Variants in DZIP1L observed in about 807,000 individuals in gnomAD.
DZIP1L encodes the protein DAZ interacting zinc finger protein 1 like.
Under a neutral mutation model 88.7 loss-of-function variants are expected in DZIP1L, and 90 were observed. The observed-to-expected ratio is 1.02, with a 90% CI of 0.86 to 1.21. DZIP1L has a LOEUF of 1.21. Ranked by LOEUF, DZIP1L falls within the 50% of genes most tolerant of loss-of-function variation. The pLI, the probability that DZIP1L is intolerant of heterozygous loss-of-function variation, is 0.00. For missense variants in DZIP1L, 932 were observed against 955.8 expected, an observed-to-expected ratio of 0.98 and a Z score of 0.33; for synonymous variants, 363 against 372.1, an observed-to-expected ratio of 0.98 and a Z score of 0.28.
chr3:138,110,999 G>C (rs9834462), intron 1 of DZIP1L, among the ~76,000 whole-genome samples: 80,120 of 151,966 alleles, frequency 0.53, 22,537 homozygotes, highest in East Asian at 0.64. Flanking sequence ...CAAGACAGGA[G>C]CTGGGAAAGG....
chr3:138,069,655 G>A (rs1943084452), intron 12 of DZIP1L, among the ~76,000 whole-genome samples: 1 of 152,160 alleles, frequency 6.6e-6, no homozygotes, highest in Admixed American at 6.5e-5. Flanking sequence ...TGGCCCCCGA[G>A]CATCTTCAGA....
rs536931385 is a variant in DZIP1L, at chr3:138,088,266, T to C, written c.999+113A>G. 44 of 1,386,892 alleles carry C rather than the reference T, an allele frequency of 3.2e-5. No individual in the cohort carries two copies. The African/African-American group carries it at 3.5e-4, about 11-fold the overall frequency. 85.9% of individuals were successfully genotyped at this position (1,386,892 alleles called of 1,614,324 possible). Reference sequence around the variant, plus strand: ...CATGTACTGGCAGAAGGTCTGAAAATATAGAACTTTGATGTCCTTCAACTT... The same window carrying C: ...CATGTACTGGCAGAAGGTCTGAAAACATAGAACTTTGATGTCCTTCAACTT... On this transcript the variant is annotated intron_variant, in intron 6 of 15. Transcript: ENST00000327532.
At chr3:138,081,819 T>C (rs1202034865) in intron 8 of DZIP1L, 55 bp from the exon 9 acceptor site, 3 of 1,588,430 alleles carry the variant, frequency 1.9e-6, no homozygotes, top group Non-Finnish European at 2.6e-6. Context: ...TTGTGAGAAC[T>C]CTGCTTTGAG....
At position 138,069,223 on chromosome 3, in the gene DZIP1L, T is replaced by G. The variant is rs1166709323; in HGVS notation, c.1616-856A>C. 8.5e-6 allele frequency: 5 copies of G among 590,832 alleles called. No homozygotes were observed. The African/African-American group carries it at 9.3e-5, about 11-fold the overall frequency. 36.6% of individuals were successfully genotyped at this position (590,832 alleles called of 1,614,324 possible). ...TTTATGATGATCCACTTCCCCTTAA[T>G]GAATAGTAAACATATTTGCTCTTCC... On this transcript the variant is annotated intron_variant, in intron 12 of 15. Coordinates refer to ENST00000327532, the MANE Select transcript of DZIP1L (RefSeq NM_173543.3).
chr3:138,097,385 C>T (rs1944527231), intron 3 of DZIP1L, among the ~76,000 whole-genome samples: 1 of 152,174 alleles, frequency 6.6e-6, no homozygotes, highest in South Asian at 2.1e-4. Flanking sequence ...TCGTGGCTGG[C>T]ATCAGGGAAC....
At chr3:138,067,913 T>A (rs767804247) in intron 13 of DZIP1L, among the ~76,000 whole-genome samples, 10 of 152,040 alleles carry the variant, frequency 6.6e-5, no homozygotes, top group Middle Eastern at 3.4e-3. Context: ...ATCCAGCCCC[T>A]CTGGAGGGGG....
At chr3:138,097,505 G>A (rs1944534350) in intron 3 of DZIP1L, among the ~76,000 whole-genome samples, 1 of 152,174 alleles carries the variant, frequency 6.6e-6, no homozygotes, top group South Asian at 2.1e-4. Context: ...ATGGACCGGG[G>A]TTACATAATA....
At chr3:138,072,975 C>A (rs1235073536) in intron 11 of DZIP1L, among the ~76,000 whole-genome samples, 1 of 152,154 alleles carries the variant, frequency 6.6e-6, no homozygotes, top group African/African-American at 2.4e-5. Context: ...CTCCATTGGA[C>A]TGGGAACACA....
intron 3 of DZIP1L, among the ~76,000 whole-genome samples, chr3:138,097,377 G>C (rs574934311): frequency 6.6e-6 from 1 of 152,110 alleles, no homozygotes; most frequent in East Asian, 1.9e-4. Context: ...AGGCTTATTC[G>C]TGGCTGGCAT....
intron 2 of DZIP1L, among the ~76,000 whole-genome samples, chr3:138,098,657 A>G (rs1180513478): frequency 6.6e-6 from 1 of 152,216 alleles, no homozygotes; most frequent in African/African-American, 2.4e-5. Context: ...CTTCCTTGGT[A>G]ATAGTAAGTC....
chr3:138,092,414 T>C lies in DZIP1L; in HGVS notation c.839A>G (p.Asn280Ser). 6.2e-7 allele frequency: 1 copy of C among 1,604,290 alleles called. No individual in the cohort carries two copies. Among genetic ancestry groups the C allele is most frequent in the Non-Finnish European group, 8.5e-7 (1 of 1,176,376 alleles). The change falls in exon 5 of 16, where the codon AAT (asparagine) becomes AGT (serine). Residue 280 changes from asparagine (N) to serine (S), a missense_variant. Physicochemically the swap from Asn to Ser is conservative, Grantham distance 46 (BLOSUM62 1). Transcript: ENST00000327532. ...LKKLFWDEFK[N>S]VAKQNSTLEE... ...TAGTGTAGAGTTCTGCTTGGCGACA[T>C]TTTTAAATTCATCCCAAAATAATTT...
intron 1 of DZIP1L, among the ~76,000 whole-genome samples, chr3:138,109,228 T>G (rs1040527550): frequency 1.3e-5 from 2 of 152,254 alleles, no homozygotes; most frequent in Non-Finnish European, 2.9e-5. Flanking sequence ...CTGTTTATTT[T>G]ATGTATAGAC....
chr3:138,092,539 T>C lies in DZIP1L; in HGVS notation c.714A>G (p.Ala238=), dbSNP rs1179747310. 6 of 1,567,678 alleles carry C rather than the reference T, an allele frequency of 3.8e-6. No homozygotes were observed. Residue 238 remains alanine, a synonymous_variant, in exon 5 of 16, where the codon GCA becomes GCG. Transcript: ENST00000327532. ...EAERQRQLQE[A]ELIHQREIEA... ...CTATTTCCCTCTGATGAATGAGCTC[T>C]GCTTCCTAAAAAGAAGAGCAAGAAC...
intron 2 of DZIP1L, 48 bp from the exon 3 acceptor site, chr3:138,097,895 T>C: frequency 6.5e-7 from 1 of 1,536,604 alleles, no homozygotes; most frequent in Non-Finnish European, 8.9e-7. Flanking sequence ...GTCACCTGAG[T>C]CAGCCTGGGA....
chr3:138,096,953 G>A (rs1265205729), intron 3 of DZIP1L, among the ~76,000 whole-genome samples: 1 of 152,124 alleles, frequency 6.6e-6, no homozygotes, highest in Non-Finnish European at 1.5e-5. Flanking sequence ...ACCAAAGCAG[G>A]CAGATCACTT....
At chr3:138,111,570 C>A (rs923806552) in intron 1 of DZIP1L, among the ~76,000 whole-genome samples, 2 of 152,172 alleles carry the variant, frequency 1.3e-5, no homozygotes, top group Non-Finnish European at 2.9e-5. Flanking sequence ...AAGGTGGCTG[C>A]CCCACTCCCA....
At chr3:138,068,990 A>C in intron 12 of DZIP1L, 1 of 1,277,022 alleles carries the variant, frequency 7.8e-7, no homozygotes. Context: ...ATTGGGTCAC[A>C]ATGTAAAATG....
intron 11 of DZIP1L, among the ~76,000 whole-genome samples, chr3:138,076,220 T>C (rs1943400853): frequency 1.3e-5 from 2 of 152,080 alleles, no homozygotes; most frequent in African/African-American, 2.4e-5. Flanking sequence ...TGATACCACC[T>C]CACCCCTACA....
chr3:138,072,538 T>C lies in DZIP1L; in HGVS notation c.1423-703A>G, dbSNP rs533611113. 4.4e-4 allele frequency among the ~76,000 whole-genome samples: 67 copies of C among 152,336 alleles called. 1 individual carries two copies. The highest frequency in any genetic ancestry group is 6.5e-4 in the Non-Finnish European group (44 of 68,020). ...CTCTACACAAACAGCATTCCAATAG[T>C]GTAATGCTTGGCTAATTTAATAATA... On this transcript the variant is annotated intron_variant, in intron 11 of 15. Coordinates refer to ENST00000327532, the MANE Select transcript of DZIP1L (RefSeq NM_173543.3).
Sources: allele counts gnomAD v4.1 joint callset (sites outside exome capture counted in the v4.1 genomes callset), GRCh38; gene constraint gnomAD v4.1.1; transcripts MANE v1.5; gene names NCBI Gene and HGNC (gene_info 2026-07-23, HGNC 2026-07-21).